The following SOCS6 variants were observed in gnomAD, a reference collection of about 807,000 sequenced individuals.
SOCS6 encodes the protein STAT induced STAT inhibitor-4.
Under a neutral mutation model 27.7 loss-of-function variants are expected in SOCS6, and 5 were observed. The observed-to-expected ratio is 0.18, with a 90% CI of 0.09 to 0.38. SOCS6 has a LOEUF of 0.38. SOCS6 is among the 10% of genes least tolerant of loss of function. The probability of loss-of-function intolerance (pLI) is 1.00; values close to 1 mark genes in which losing one functional copy is unlikely to be tolerated. For synonymous variants in SOCS6, 271 were observed against 260.0 expected, an observed-to-expected ratio of 1.04 and a Z score of -0.41; for missense variants, 595 against 688.1, an observed-to-expected ratio of 0.86 and a Z score of 1.51.
At chr18:70,305,138 TG>T (rs56147615) in intron 1 of SOCS6, among the ~76,000 whole-genome samples, 152,118 of 152,118 alleles carry the variant, frequency 1, 76,059 homozygotes, top group Non-Finnish European at 1. Context: ...AGCCGGGAGG[TG>T]GGAGGTTGCA....
At chr18:70,319,295 A>T (rs988459970) in intron 1 of SOCS6, among the ~76,000 whole-genome samples, 2 of 152,210 alleles carry the variant, frequency 1.3e-5, no homozygotes, top group African/African-American at 2.4e-5. Flanking sequence ...GAAATTGACA[A>T]TGCAGCTTAT....
At chr18:70,298,056 A>G (rs1419802553) in intron 1 of SOCS6, among the ~76,000 whole-genome samples, 1 of 152,118 alleles carries the variant, frequency 6.6e-6, no homozygotes, top group Non-Finnish European at 1.5e-5. Context: ...CAGTTGTGTT[A>G]TTTTTCAGTT....
At chr18:70,312,713 C>T (rs181554540) in intron 1 of SOCS6, among the ~76,000 whole-genome samples, 27 of 150,828 alleles carry the variant, frequency 1.8e-4, no homozygotes, top group African/African-American at 6.3e-4. Context: ...CATTCAGTTA[C>T]GTAAACACCA....
chr18:70,308,178 A>G (rs1289539582), intron 1 of SOCS6, among the ~76,000 whole-genome samples: 1 of 152,178 alleles, frequency 6.6e-6, no homozygotes, highest in East Asian at 1.9e-4. Flanking sequence ...CATTGTGGTC[A>G]GAGAACATAC....
Position 70,329,183 on chromosome 18 carries a change from T to C in SOCS6, c.*2907T>C, listed in dbSNP as rs1017780546. 7.2e-5 allele frequency: 12 copies of C among 167,096 alleles called. No homozygotes were observed. Among genetic ancestry groups the C allele is most frequent in the African/African-American group, 2.9e-4 (12 of 41,464 alleles). The allele number at this position is 167,096 out of a possible 1,614,324, so 10.4% of individuals were successfully genotyped here. On this transcript the variant is annotated 3_prime_UTR_variant, in exon 2 of 2. Transcript: ENST00000397942. Reference sequence around the variant, plus strand: ...AAAAATATCTAATTCTCTTTCTGTCTAAGGAAAACTCTTTCTACTTGGTGC... The same window carrying C: ...AAAAATATCTAATTCTCTTTCTGTCCAAGGAAAACTCTTTCTACTTGGTGC...
intron 1 of SOCS6, among the ~76,000 whole-genome samples, chr18:70,324,304 A>G (rs1911102666): frequency 6.6e-6 from 1 of 151,466 alleles, no homozygotes; most frequent in Non-Finnish European, 1.5e-5. Context: ...TCATCTCAAA[A>G]TAATAATAAT....
chr18:70,298,823 G>C (rs1418560357), intron 1 of SOCS6, among the ~76,000 whole-genome samples: 1 of 152,158 alleles, frequency 6.6e-6, no homozygotes, highest in Non-Finnish European at 1.5e-5. Context: ...CACTTCTTCA[G>C]TGTGAAAACT....
At position 70,305,007 on chromosome 18, in the gene SOCS6, C is replaced by G. The variant is rs2062363229; in HGVS notation, c.-127+15917C>G. ...GGATCTGAAGGTCAGGAGTTCGAGA[C>G]CAGTCTGGCCAACATGGTGAAACCC... On this transcript the variant is annotated intron_variant, in intron 1 of 1. Transcript: ENST00000397942. Among the ~76,000 whole-genome samples the G allele has an allele frequency of 1.3e-5, 2 of 152,080 alleles. 1 individual carries two copies. Among genetic ancestry groups the G allele is most frequent in the Admixed American group, 1.3e-4 (2 of 15,262 alleles).
chr18:70,298,647 C>T (rs907362914), intron 1 of SOCS6, among the ~76,000 whole-genome samples: 1 of 152,076 alleles, frequency 6.6e-6, no homozygotes, highest in African/African-American at 2.4e-5. Flanking sequence ...CAAATGATTT[C>T]CATTATCAAT....
chr18:70,300,165 C>T (rs144231550), intron 1 of SOCS6, among the ~76,000 whole-genome samples: 4 of 152,098 alleles, frequency 2.6e-5, no homozygotes, highest in South Asian at 2.1e-4. Flanking sequence ...GTCTCTCTCT[C>T]GCCCAAGCTG....
rs546750678 is a variant in SOCS6, at chr18:70,329,602, A to G, written c.*3326A>G. ...TTTAAATCTTAATTGCTTTTCATTA[A>G]ATGCGAAGTCTTAATTTCAAAATGA... is the stretch of plus-strand genomic sequence containing the variant. On this transcript the variant is annotated 3_prime_UTR_variant, in exon 2 of 2. Transcript: ENST00000397942. The G allele has an allele frequency of 6.0e-6, 1 of 167,232 alleles. No individual in the cohort carries two copies. The highest frequency in any genetic ancestry group is 6.5e-5 in the Admixed American group (1 of 15,310). The allele number at this position is 167,232 out of a possible 1,614,324, so 10.4% of individuals were successfully genotyped here.
intron 1 of SOCS6, among the ~76,000 whole-genome samples, chr18:70,319,083 A>T (rs993512229): frequency 6.7e-6 from 1 of 150,034 alleles, no homozygotes; most frequent in African/African-American, 2.4e-5. Flanking sequence ...TTCATGTTGT[A>T]TTTGTATTGT....
intron 1 of SOCS6, among the ~76,000 whole-genome samples, chr18:70,321,719 A>G (rs1911001761): frequency 6.6e-6 from 1 of 151,982 alleles, no homozygotes; most frequent in Non-Finnish European, 1.5e-5. Context: ...TTTTTAAGAG[A>G]ATAAAGGGGT....
Position 70,319,827 on chromosome 18 carries a change from T to C in SOCS6, c.-126-4716T>C, listed in dbSNP as rs544076620. Among the ~76,000 whole-genome samples the C allele has an allele frequency of 1.7e-3, 265 of 152,258 alleles. 1 individual carries two copies. Among genetic ancestry groups the C allele is most frequent in the Non-Finnish European group, 3.1e-3 (210 of 68,020 alleles). ...TGAATTGCTGGCTACACTAGCTAAC[T>C]AGCTCCTTTTTTTCTGTGAAATAAC... On this transcript the variant is annotated intron_variant, in intron 1 of 1. Transcript: ENST00000397942.
chr18:70,291,486 G>A (rs2146256098), intron 1 of SOCS6, among the ~76,000 whole-genome samples: 1 of 152,302 alleles, frequency 6.6e-6, no homozygotes, highest in South Asian at 2.1e-4. Context: ...CAGTTTTCAG[G>A]AAACTTTTGG....
At chr18:70,301,403 G>A (rs549907001) in intron 1 of SOCS6, among the ~76,000 whole-genome samples, 2 of 152,136 alleles carry the variant, frequency 1.3e-5, no homozygotes, top group Admixed American at 1.3e-4. Context: ...CATACTGGAT[G>A]AGGAATGAGA....
At chr18:70,322,747 CTT>C (rs748925555) in intron 1 of SOCS6, among the ~76,000 whole-genome samples, 28 of 152,178 alleles carry the variant, frequency 1.8e-4, no homozygotes, top group African/African-American at 6.8e-4. Context: ...TGACAGTAGA[CTT>C]TTAAAAATTG....
chr18:70,314,750 T>G (rs2062404789), intron 1 of SOCS6, among the ~76,000 whole-genome samples: 1 of 152,148 alleles, frequency 6.6e-6, no homozygotes, highest in South Asian at 2.1e-4. Context: ...ATATTTATAT[T>G]TATTTCTTGT....
At chr18:70,314,324 T>G (rs935465313) in intron 1 of SOCS6, 2 of 143,242 alleles carry the variant, frequency 1.4e-5, no homozygotes, top group African/African-American at 5.4e-5. Context: ...ATTGGTCACT[T>G]GACTGAGTTC....
Sources: allele counts gnomAD v4.1 joint callset (sites outside exome capture counted in the v4.1 genomes callset), GRCh38; gene constraint gnomAD v4.1.1; transcripts MANE v1.5; gene names NCBI Gene and HGNC (gene_info 2026-07-23, HGNC 2026-07-21).